Variants in DPY19L1 observed in about 807,000 individuals in gnomAD.
The protein encoded by DPY19L1 is protein C-mannosyl-transferase DPY19L1.
In DPY19L1, 35 loss-of-function variants were observed where a neutral mutation model predicts 96.9. The observed-to-expected ratio is 0.36, with a 90% confidence interval of 0.28 to 0.48. DPY19L1 has a LOEUF of 0.48. Ranked by LOEUF, DPY19L1 falls within the 20% of genes least tolerant of loss-of-function variation. The pLI is 0.99. For missense variants in DPY19L1, 521 were observed against 777.9 expected, an observed-to-expected ratio of 0.67 and a Z score of 3.93; for synonymous variants, 205 against 252.6, an observed-to-expected ratio of 0.81 and a Z score of 1.79.
At chr7:34,959,006 C>G (rs1784435191) in intron 10 of DPY19L1, among the ~76,000 whole-genome samples, 1 of 151,638 alleles carries the variant, frequency 6.6e-6, no homozygotes, top group South Asian at 2.1e-4. Context: ...CTACAAAGAA[C>G]TTAAACAAAT....
At chr7:34,966,299 T>C (rs779390459) in intron 10 of DPY19L1, among the ~76,000 whole-genome samples, 2 of 152,154 alleles carry the variant, frequency 1.3e-5, no homozygotes, top group Non-Finnish European at 2.9e-5. Flanking sequence ...GTTAATGAAC[T>C]TTTTTTCTTT....
chr7:35,020,530 G>A (rs181137726), intron 1 of DPY19L1, among the ~76,000 whole-genome samples: 1 of 152,026 alleles, frequency 6.6e-6, no homozygotes, highest in Non-Finnish European at 1.5e-5. Context: ...AGTTTCTCCT[G>A]GGAGTTAAAC....
At chr7:34,944,236 G>A (rs574386223) in intron 16 of DPY19L1, among the ~76,000 whole-genome samples, 13 of 151,668 alleles carry the variant, frequency 8.6e-5, no homozygotes, top group African/African-American at 3.1e-4. Context: ...GGTGGTGGTC[G>A]CCTGTAGTCT....
intron 1 of DPY19L1, among the ~76,000 whole-genome samples, chr7:35,027,252 C>T (rs1352720619): frequency 6.6e-6 from 1 of 151,866 alleles, no homozygotes; most frequent in Admixed American, 6.6e-5. Flanking sequence ...TGGTTGTCTC[C>T]ATCCCTAGCA....
chr7:35,032,337 T>C (rs1786279483), intron 1 of DPY19L1, among the ~76,000 whole-genome samples: 1 of 152,106 alleles, frequency 6.6e-6, no homozygotes, highest in Admixed American at 6.6e-5. Flanking sequence ...ACAAGTTACT[T>C]AATATCTTTG....
In DPY19L1 at chr7:35,029,432, A is replaced by T. The variant is rs370811265; in HGVS notation, c.298+7665T>A. Among the ~76,000 whole-genome samples, 4 of 152,284 alleles carry T rather than the reference A, an allele frequency of 2.6e-5. No homozygotes were observed. In the East Asian group the frequency reaches 7.7e-4, roughly 29 times the overall value. On this transcript the variant is annotated intron_variant, in intron 1 of 21. Transcript: ENST00000638088. ...CTAGAGTAAAAAGAGAACCACACAC[A>T]CCTACAACACACGTCCAGGCCCCAT...
intron 7 of DPY19L1, among the ~76,000 whole-genome samples, chr7:34,976,340 T>TG (rs1784829544): frequency 6.6e-6 from 1 of 152,100 alleles, no homozygotes; most frequent in Non-Finnish European, 1.5e-5. Flanking sequence ...TAACTAGAAA[T>TG]GGAGCCTGAA....
At chr7:34,974,039 T>C (rs1231680785) in intron 7 of DPY19L1, among the ~76,000 whole-genome samples, 1 of 152,208 alleles carries the variant, frequency 6.6e-6, no homozygotes, top group Non-Finnish European at 1.5e-5. Flanking sequence ...GTATTTTCAT[T>C]CACTGTGCTG....
At chr7:34,959,868 T>A (rs1457911889) in intron 10 of DPY19L1, among the ~76,000 whole-genome samples, 11 of 144,592 alleles carry the variant, frequency 7.6e-5, no homozygotes, top group Admixed American at 6.4e-4. Context: ...TATATATATA[T>A]ATTTTAATAT....
At chr7:34,942,065 TA>T in intron 17 of DPY19L1, among the ~76,000 whole-genome samples, 181 bp from the exon 18 acceptor site, 1 of 152,340 alleles carries the variant, frequency 6.6e-6, no homozygotes, top group East Asian at 1.9e-4. Context: ...AGTGGAAGGC[TA>T]AAATTATAAA....
intron 7 of DPY19L1, among the ~76,000 whole-genome samples, chr7:34,977,848 T>A (rs1420542511): frequency 6.6e-6 from 1 of 152,128 alleles, no homozygotes; most frequent in African/African-American, 2.4e-5. Flanking sequence ...GTATGTTGTT[T>A]CTAAGTATAA....
chr7:35,034,174 G>A (rs1272981019), intron 1 of DPY19L1, among the ~76,000 whole-genome samples: 1 of 152,092 alleles, frequency 6.6e-6, no homozygotes, highest in Non-Finnish European at 1.5e-5. Context: ...TTGTTTTATT[G>A]TTGTGTATAT....
intron 6 of DPY19L1, among the ~76,000 whole-genome samples, chr7:35,009,939 C>T (rs328938): frequency 0.51 from 77,424 of 151,974 alleles, 20,046 homozygotes; most frequent in Admixed American, 0.64. Context: ...TATGAATATT[C>T]AAAATTTATG....
At chr7:34,940,103 G>C in intron 19 of DPY19L1, 50 bp downstream of exon 19, 1 of 1,426,972 alleles carries the variant, frequency 7.0e-7, no homozygotes, top group Non-Finnish European at 9.1e-7. Context: ...TAAAATTGTG[G>C]GAAAAACAGC....
At chr7:35,037,920 A>G (rs1786489092), upstream of DPY19L1, 5 of 1,235,762 alleles carry the variant, frequency 4.0e-6, no homozygotes, top group South Asian at 2.1e-4. Flanking sequence ...GGGCCGAAGG[A>G]AGAGCCCTCT....
chr7:34,990,785 T>C (rs974095674), intron 6 of DPY19L1, among the ~76,000 whole-genome samples: 13 of 152,254 alleles, frequency 8.5e-5, no homozygotes, highest in African/African-American at 2.7e-4. Context: ...TTTTAGCTCA[T>C]GCTGCTTTCT....
chr7:35,029,127 G>A (rs1194088630), intron 1 of DPY19L1, among the ~76,000 whole-genome samples: 2 of 152,138 alleles, frequency 1.3e-5, no homozygotes, highest in Non-Finnish European at 2.9e-5. Flanking sequence ...ATGCAGCCTG[G>A]TAGGTCTCAG....
chr7:35,015,483 A>G (rs1785824815), intron 3 of DPY19L1, among the ~76,000 whole-genome samples: 2 of 152,194 alleles, frequency 1.3e-5, no homozygotes, highest in African/African-American at 4.8e-5. Context: ...AGTGCTCATT[A>G]TAATACATTA....
rs1285751448 is a variant in DPY19L1, at chr7:34,931,042, AAAAC to A, written c.*527_*530del. The A allele has an allele frequency of 1.3e-5, 2 of 152,240 alleles. No individual in the cohort carries two copies. The highest frequency in any genetic ancestry group is 2.4e-5 in the African/African-American group (1 of 41,452). The allele number at this position is 152,240 out of a possible 1,614,324, so 9.4% of individuals were successfully genotyped here. On this transcript the variant is annotated 3_prime_UTR_variant, in exon 22 of 22. Coordinates refer to ENST00000638088, the MANE Select transcript of DPY19L1 (RefSeq NM_001366673.1). ...GAGAACAAAAAGCGCACAAGGAAGT[AAAAC>A]AAACAGATAGTTCTATATAGCAAAC...
Sources: gnomAD v4.1 joint callset for allele counts (sites outside exome capture counted in the v4.1 genomes callset) on GRCh38, gnomAD v4.1.1 for gene constraint, MANE v1.5 for transcripts, NCBI Gene and HGNC (gene_info 2026-07-23, HGNC 2026-07-21) for gene names.